Variants in PIEZO2 observed in about 807,000 individuals in gnomAD.
PIEZO2 encodes piezo type mechanosensitive ion channel component 2.
Under a neutral mutation model 337.3 loss-of-function variants are expected in PIEZO2, and 172 were observed. The observed-to-expected ratio is 0.51, with a 90% CI of 0.45 to 0.58. The LOEUF (loss-of-function observed/expected upper bound fraction) is 0.58, where lower values mean the gene tolerates loss of function less well. Ranked by LOEUF, PIEZO2 falls within the 20% of genes least tolerant of loss-of-function variation. The pLI is 0.00. For missense variants in PIEZO2, 3,028 were observed against 3,391.3 expected, an observed-to-expected ratio of 0.89 and a Z score of 2.66; for synonymous variants, 1,251 against 1,228.5, an observed-to-expected ratio of 1.02 and a Z score of -0.38.
chr18:10,895,929 G>A lies in PIEZO2; in HGVS notation c.329+15257C>T, dbSNP rs1288085110. 4.0e-5 allele frequency among the ~76,000 whole-genome samples: 6 copies of A among 151,848 alleles called. No homozygotes were observed. Among genetic ancestry groups the A allele is most frequent in the South Asian group, 2.1e-4 (1 of 4,804 alleles). ...CAGAAAATTACCCGGGCGTGGTGGC[G>A]TGTGCCTGTAATCCCAGCTACTTGG... is the stretch of plus-strand genomic sequence containing the variant. On this transcript the variant is annotated intron_variant, in intron 4 of 55. Coordinates refer to ENST00000674853, the MANE Select transcript of PIEZO2 (RefSeq NM_001378183.1). The surrounding 1 kb of genome is among the most constrained non-coding windows in gnomAD (Gnocchi z 4.8).
intron 4 of PIEZO2, among the ~76,000 whole-genome samples, chr18:10,910,034 G>A (rs1304086544): frequency 6.6e-6 from 1 of 152,172 alleles, no homozygotes; most frequent in Non-Finnish European, 1.5e-5. Flanking sequence ...GAGAAACAAT[G>A]CATTTTCAAG....
chr18:11,101,848 CTT>C lies in PIEZO2; in HGVS notation c.65-35628_65-35627del, dbSNP rs1455357836. ...GCTAAATTTTTGGGACACACAAGCT[CTT>C]GTACTCTTGTACTATACTACTTATA... On this transcript the variant is annotated intron_variant, in intron 1 of 55. Transcript: ENST00000674853. The surrounding 1 kb of genome is among the most constrained non-coding windows in gnomAD (Gnocchi z 4.4). 1.3e-5 allele frequency among the ~76,000 whole-genome samples: 2 copies of C among 149,774 alleles called. No homozygotes were observed. Among genetic ancestry groups the C allele is most frequent in the Non-Finnish European group, 2.9e-5 (2 of 68,018 alleles).
chr18:10,808,188 A>G (rs2040060522), intron 7 of PIEZO2, among the ~76,000 whole-genome samples: 1 of 152,196 alleles, frequency 6.6e-6, no homozygotes, highest in Admixed American at 6.5e-5. Context: ...GCCTGGGCTC[A>G]CATGATCCTC....
Position 10,724,776 on chromosome 18 carries a change from C to G in PIEZO2, c.5030-6517G>C. ...TGGCCTTGCCCGTGGCTCTGGCAGTCCCCCCAGCACTGCAGCCCCAGCCTG... is the reference window on the plus strand; with the variant it reads ...TGGCCTTGCCCGTGGCTCTGGCAGTGCCCCCAGCACTGCAGCCCCAGCCTG... On this transcript the variant is annotated intron_variant, in intron 36 of 55. Transcript: ENST00000674853. The surrounding 1 kb of genome is among the most constrained non-coding windows in gnomAD (Gnocchi z 5.8). 4.5e-6 allele frequency: 7 copies of G among 1,566,798 alleles called. No homozygotes were observed. Among genetic ancestry groups the G allele is most frequent in the Admixed American group, 3.7e-5 (2 of 54,498 alleles).
At position 11,031,349 on chromosome 18, in the gene PIEZO2, G is replaced by T. The variant is rs1219636363; in HGVS notation, c.160+34778C>A. 2.0e-5 allele frequency among the ~76,000 whole-genome samples: 3 copies of T among 151,306 alleles called. No homozygotes were observed. The highest frequency in any genetic ancestry group is 6.6e-5 in the Admixed American group (1 of 15,184). ...CAGGACCTTTCATAACCTTACAGTT[G>T]TCTCCCCAGAAAACACATTTCCTAC... On this transcript the variant is annotated intron_variant, in intron 2 of 55. Transcript: ENST00000674853. The surrounding 1 kb of genome is among the most constrained non-coding windows in gnomAD (Gnocchi z 4.7).
intron 47 of PIEZO2, among the ~76,000 whole-genome samples, chr18:10,692,416 T>G (rs558236454): frequency 5.5e-4 from 84 of 152,328 alleles, no homozygotes; most frequent in Middle Eastern, 3.4e-3. Flanking sequence ...CATATTTCTC[T>G]CTGTGCCATA....
intron 39 of PIEZO2, among the ~76,000 whole-genome samples, chr18:10,711,587 C>T (rs1331752333): frequency 2.7e-5 from 4 of 150,042 alleles, no homozygotes; most frequent in South Asian, 2.1e-4. Context: ...TTACCCATTT[C>T]GCTTGCCACA....
In PIEZO2 at chr18:10,862,298, T is replaced by A. The variant is rs1238526116; in HGVS notation, c.493-5087A>T. On this transcript the variant is annotated intron_variant, in intron 5 of 55. Transcript: ENST00000674853. The surrounding 1 kb of genome is among the most constrained non-coding windows in gnomAD (Gnocchi z 4.4). ...GATTTCAACATTTGATAACATGTAT[T>A]AGTGTAAGATCTCTCATTTCACATA... 6.6e-6 allele frequency among the ~76,000 whole-genome samples: 1 copy of A among 152,190 alleles called. No homozygotes were observed. Among genetic ancestry groups the A allele is most frequent in the Non-Finnish European group, 1.5e-5 (1 of 68,036 alleles).
Position 10,795,605 on chromosome 18 carries a change from T to C in PIEZO2, c.1528-603A>G, listed in dbSNP as rs1418390808. 6.6e-6 allele frequency among the ~76,000 whole-genome samples: 1 copy of C among 152,028 alleles called. No homozygotes were observed. The highest frequency in any genetic ancestry group is 1.5e-5 in the Non-Finnish European group (1 of 68,020). On this transcript the variant is annotated intron_variant, in intron 12 of 55. Transcript: ENST00000674853. The surrounding 1 kb of genome is among the most constrained non-coding windows in gnomAD (Gnocchi z 4.4). ...AGAATAGAGCTGGCAATCCCCAAAT[T>C]AGCCTCTTCAATTTTGTGGTGCTTT...
chr18:11,040,889 A>G (rs1339251016), intron 2 of PIEZO2, among the ~76,000 whole-genome samples: 8 of 152,228 alleles, frequency 5.3e-5, no homozygotes, highest in African/African-American at 1.7e-4. Flanking sequence ...ATAAAAGATC[A>G]GTTAAAATTA....
chr18:10,698,005 G>T, intron 44 of PIEZO2, 125 bp from the exon 45 acceptor site: 2 of 188,054 alleles, frequency 1.1e-5, no homozygotes, highest in Non-Finnish European at 7.9e-6. Flanking sequence ...GGGAGGATGA[G>T]TATGCACGGC....
At chr18:10,984,292 C>T (rs2034785514) in intron 2 of PIEZO2, among the ~76,000 whole-genome samples, 1 of 151,968 alleles carries the variant, frequency 6.6e-6, no homozygotes, top group Non-Finnish European at 1.5e-5. Flanking sequence ...TCAAAATAGC[C>T]ATCTTAAAGC....
rs1404365328 is a variant in PIEZO2, at chr18:11,028,934, G to A, written c.160+37193C>T. On this transcript the variant is annotated intron_variant, in intron 2 of 55. Transcript: ENST00000674853. The surrounding 1 kb of genome is among the most constrained non-coding windows in gnomAD (Gnocchi z 4.8). Reference sequence around the variant, plus strand: ...AGTTGAAAAAAAATTTAGATAAGATGGCATGGAACATTTTACCTTGCATCT... The same window carrying A: ...AGTTGAAAAAAAATTTAGATAAGATAGCATGGAACATTTTACCTTGCATCT... Among the ~76,000 whole-genome samples, 2 of 152,014 alleles carry A rather than the reference G, an allele frequency of 1.3e-5. No individual in the cohort carries two copies. Among genetic ancestry groups the A allele is most frequent in the African/African-American group, 4.8e-5 (2 of 41,368 alleles).
intron 4 of PIEZO2, among the ~76,000 whole-genome samples, chr18:10,889,403 A>T (rs1352399078): frequency 6.6e-6 from 1 of 152,224 alleles, no homozygotes; most frequent in East Asian, 1.9e-4. Context: ...AGGCTTTTGG[A>T]CACAATGGTT....
At chr18:10,690,923 T>C (rs1240080385) in intron 48 of PIEZO2, among the ~76,000 whole-genome samples, 1 of 152,180 alleles carries the variant, frequency 6.6e-6, no homozygotes, top group Non-Finnish European at 1.5e-5. Flanking sequence ...TGCCCAGAAG[T>C]ATATAAATAC....
In PIEZO2 at chr18:11,094,775, C is replaced by T. The variant is rs1391307744; in HGVS notation, c.65-28553G>A. 1.3e-5 allele frequency among the ~76,000 whole-genome samples: 2 copies of T among 152,186 alleles called. No homozygotes were observed. Among genetic ancestry groups the T allele is most frequent in the African/African-American group, 4.8e-5 (2 of 41,456 alleles). On this transcript the variant is annotated intron_variant, in intron 1 of 55. Coordinates refer to ENST00000674853, the MANE Select transcript of PIEZO2 (RefSeq NM_001378183.1). This position sits in a 1 kb window ranked among gnomAD's most constrained non-coding sequence, Gnocchi z 4.4. Reference sequence around the variant, plus strand: ...AATTATAAAATATCTTTAAACATTGCTTGGGATCATTTTCCAGTTCTCATA... The same window carrying T: ...AATTATAAAATATCTTTAAACATTGTTTGGGATCATTTTCCAGTTCTCATA...
intron 4 of PIEZO2, among the ~76,000 whole-genome samples, chr18:10,876,526 TAA>T (rs1374946419): frequency 2.0e-5 from 3 of 152,212 alleles, no homozygotes; most frequent in Admixed American, 6.5e-5. Flanking sequence ...TAGTTTTTAA[TAA>T]GTCTTTAATA....
rs772371236 is a variant in PIEZO2, at chr18:10,724,928, G to C, written c.5029+6479C>G. 5 of 1,604,914 alleles carry C rather than the reference G, an allele frequency of 3.1e-6. No individual in the cohort carries two copies. The highest frequency in any genetic ancestry group is 1.7e-5 in the Admixed American group (1 of 59,604). ...ACCCTGGGACAGCCTCCACCTGGAC[G>C]GCGATGGAACCCAGGTGGGCGCACC... On this transcript the variant is annotated intron_variant, in intron 36 of 55. Coordinates refer to ENST00000674853, the MANE Select transcript of PIEZO2 (RefSeq NM_001378183.1). This position sits in a 1 kb window ranked among gnomAD's most constrained non-coding sequence, Gnocchi z 5.8.
intron 11 of PIEZO2, among the ~76,000 whole-genome samples, chr18:10,799,875 A>G (rs181531848): frequency 3.1e-4 from 47 of 151,828 alleles, no homozygotes; most frequent in African/African-American, 1.0e-3. Context: ...AGGGAGGCTG[A>G]GGCAGGAGAA....
Sources: gnomAD v4.1 joint callset for allele counts (sites outside exome capture counted in the v4.1 genomes callset) on GRCh38, gnomAD v4.1.1 for gene constraint, Gnocchi (gnomAD v3.1) non-coding constraint, MANE v1.5 for transcripts, NCBI Gene and HGNC (gene_info 2026-07-23, HGNC 2026-07-21) for gene names.